The following SUGP2 variants were observed in gnomAD, a reference collection of about 807,000 sequenced individuals.
SUGP2 encodes the protein SURP and G-patch domain containing 2.
SUGP2 carries 24 observed loss-of-function variants against 90.5 expected under a neutral mutation model. The ratio of observed to expected loss-of-function variants is 0.27; its 90% CI spans 0.19 to 0.37. The LOEUF is 0.37. Among genes scored for constraint, SUGP2 ranks in the 10% least tolerant of loss-of-function variants. The pLI is 1.00. For missense variants in SUGP2, 1,233 were observed against 1,363.3 expected (o/e 0.90, Z 1.51); for synonymous variants, 473 against 513.4 (o/e 0.92, Z 1.06).
At chr19:19,032,058 G>T (rs1018729991) in intron 1 of SUGP2, among the ~76,000 whole-genome samples, 1 of 152,060 alleles carries the variant, frequency 6.6e-6, no homozygotes, top group Non-Finnish European at 1.5e-5. Context: ...CTATCTGCTG[G>T]AGGAAGGTGT....
intron 1 of SUGP2, 34 bp downstream of exon 1, chr19:19,033,403 C>T: frequency 1.6e-6 from 2 of 1,285,798 alleles, no homozygotes; most frequent in Non-Finnish European, 9.9e-7. Flanking sequence ...ACCCCGGGAG[C>T]CACCCACCGA....
intron 8 of SUGP2, among the ~76,000 whole-genome samples, chr19:18,997,782 C>CAAAAAAAA (rs35875282): frequency 1.8e-4 from 16 of 88,106 alleles, no homozygotes; most frequent in Non-Finnish European, 2.0e-4. Flanking sequence ...GACTCCGTCT[C>CAAAAAAAA]AAAAAAAAAA....
intron 1 of SUGP2, chr19:19,033,053 G>C (rs1424129049): frequency 6.5e-6 from 1 of 153,342 alleles, no homozygotes; most frequent in East Asian, 1.9e-4. Context: ...CCCACCTATG[G>C]AATGGGCAGC....
chr19:19,013,995 A>T (rs1014203751), intron 4 of SUGP2, among the ~76,000 whole-genome samples: 1 of 152,116 alleles, frequency 6.6e-6, no homozygotes, highest in Non-Finnish European at 1.5e-5. Context: ...CTTCTGATTG[A>T]TTCATTGATT....
Position 19,001,663 on chromosome 19 carries a change from C to T in SUGP2, c.2941G>A (p.Val981Ile). The change falls in exon 8 of 11, where the codon GTT becomes ATT. Residue 981 changes from valine to isoleucine, a missense_variant. Val to Ile is a conservative substitution (Grantham distance 29, BLOSUM62 3). Around this residue, in one of 8 missense-constraint regions of SUGP2, gnomAD observed 105 missense variants for 155.2 expected, o/e 0.68. Transcript: ENST00000452918. ...CGAGGCCTGTCATAGGCAATTCGAA[C>T]TGGTTCATGGACTAGAAGACAAAAG... Reference protein sequence around the residue: ...LIQEPKVHEPVRIAYDRPRGR... With the variant: ...LIQEPKVHEPIRIAYDRPRGR... 1 of 1,614,228 alleles carries T rather than the reference C, an allele frequency of 6.2e-7. No homozygotes were observed. The highest frequency in any genetic ancestry group is 8.5e-7 in the Non-Finnish European group (1 of 1,180,042).
intron 6 of SUGP2, among the ~76,000 whole-genome samples, chr19:19,006,521 T>C (rs1193849820): frequency 6.6e-6 from 1 of 151,878 alleles, no homozygotes; most frequent in Non-Finnish European, 1.5e-5. Flanking sequence ...ACCCAACAAG[T>C]ACTACAGCCC....
At chr19:19,019,343 C>G (rs566586030) in intron 3 of SUGP2, 114 bp from the exon 4 acceptor site, 2 of 1,188,524 alleles carry the variant, frequency 1.7e-6, no homozygotes, top group Non-Finnish European at 2.3e-6. Context: ...CATCAACAAC[C>G]GAAATCCTCA....
At chr19:18,994,585 T>C (rs1445733907) in intron 9 of SUGP2, 99 bp from the exon 10 acceptor site, 1 of 1,481,824 alleles carries the variant, frequency 6.7e-7, no homozygotes, top group Non-Finnish European at 9.2e-7. Context: ...ATGCAGGTGT[T>C]TGGGACACAC....
intron 4 of SUGP2, among the ~76,000 whole-genome samples, chr19:19,015,115 TGGTGTGAACCCG>T (rs2058449377): frequency 6.6e-6 from 1 of 151,806 alleles, no homozygotes; most frequent in African/African-American, 2.4e-5. Flanking sequence ...GGCAGGAGAA[TGGTGTGAACCCG>T]GGAGGCAGAG....
At chr19:19,005,159 C>T (rs2058014497) in intron 6 of SUGP2, among the ~76,000 whole-genome samples, 1 of 152,218 alleles carries the variant, frequency 6.6e-6, no homozygotes, top group South Asian at 2.1e-4. Flanking sequence ...TGCAGTCCAC[C>T]TACATGGGCG....
At chr19:19,031,879 G>T (rs1309694654) in intron 1 of SUGP2, among the ~76,000 whole-genome samples, 1 of 147,888 alleles carries the variant, frequency 6.8e-6, no homozygotes, top group Admixed American at 6.8e-5. Flanking sequence ...GGCCAGGCTG[G>T]TCTCGAACTC....
chr19:19,005,211 C>T (rs2058017766), intron 6 of SUGP2, among the ~76,000 whole-genome samples: 1 of 152,160 alleles, frequency 6.6e-6, no homozygotes, highest in African/African-American at 2.4e-5. Context: ...CTGGTGGCCA[C>T]CTCGACTTGT....
chr19:19,031,800 G>A (rs1268318659), intron 1 of SUGP2, among the ~76,000 whole-genome samples: 1 of 150,974 alleles, frequency 6.6e-6, no homozygotes, highest in Non-Finnish European at 1.5e-5. Flanking sequence ...TACTTCAGAG[G>A]CAAGCTGGAC....
chr19:19,020,653 G>T (rs1054639327), intron 3 of SUGP2, among the ~76,000 whole-genome samples: 1 of 151,500 alleles, frequency 6.6e-6, no homozygotes, highest in Non-Finnish European at 1.5e-5. Context: ...GCTCAGGCTG[G>T]TCTCCAATTC....
Position 19,008,439 on chromosome 19 carries a change from T to C in SUGP2, c.2339-11A>G, listed in dbSNP as rs1337748036. ...TTGTCTTCATGTCAACTACAAAACA[T>C]AAAGCACCTGTCAGGCATGACTCCT... On this transcript the variant is annotated splice_polypyrimidine_tract_variant and intron_variant, in intron 5 of 10. Transcript: ENST00000452918. The C allele has an allele frequency of 6.2e-7, 1 of 1,606,958 alleles. No individual in the cohort carries two copies. Among genetic ancestry groups the C allele is most frequent in the Admixed American group, 1.7e-5 (1 of 60,016 alleles).
In SUGP2 at chr19:19,004,548, A is replaced by G. The variant is rs1204760070; in HGVS notation, c.2549T>C (p.Leu850Pro). The G allele has an allele frequency of 6.2e-7, 1 of 1,614,252 alleles. No homozygotes were observed. Reference protein sequence around the residue: ...SICFTSSPHNLHTGGGDTTGS... With the variant: ...SICFTSSPHNPHTGGGDTTGS... ...CGTGGTGTCACCACCACCAGTGTGAAGGTTGTGCGGAGATGACGTGAAACA... is the reference window on the plus strand; with the variant it reads ...CGTGGTGTCACCACCACCAGTGTGAGGGTTGTGCGGAGATGACGTGAAACA... Residue 850 changes from leucine (L) to proline (P), a missense_variant, in exon 7 of 11, where the codon CTT becomes CCT. Leu to Pro is a moderately conservative substitution (Grantham distance 98). Coordinates refer to ENST00000452918, the MANE Select transcript of SUGP2 (RefSeq NM_001017392.5).
Position 19,025,466 on chromosome 19 carries a change from G to A in SUGP2, c.882C>T (p.Pro294=). 1.2e-6 allele frequency: 2 copies of A among 1,614,154 alleles called. No homozygotes were observed. Among genetic ancestry groups the A allele is most frequent in the Non-Finnish European group, 1.7e-6 (2 of 1,180,034 alleles). ...CCAGCCCCAGAGGGATCTTCTGAATGGGGAACTGGATATCTTCTGTCCCTG... is the reference window on the plus strand; with the variant it reads ...CCAGCCCCAGAGGGATCTTCTGAATAGGGAACTGGATATCTTCTGTCCCTG... ...TNPGTEDIQF[P]IQKIPLGLDL... is the part of the protein sequence containing the mutation. Residue 294 remains proline (P), a synonymous_variant, in exon 3 of 11, where the codon CCC becomes CCT. Coordinates refer to ENST00000452918, the MANE Select transcript of SUGP2 (RefSeq NM_001017392.5).
intron 1 of SUGP2, 86 bp downstream of exon 1, chr19:19,033,351 C>T (rs1177184175): frequency 1.7e-6 from 2 of 1,147,442 alleles, no homozygotes; most frequent in Non-Finnish European, 2.1e-6. Context: ...GACGCCATCA[C>T]GGAGCCCGGG....
chr19:19,027,181 G>A (rs1043982419), intron 2 of SUGP2, among the ~76,000 whole-genome samples: 13 of 152,190 alleles, frequency 8.5e-5, no homozygotes, highest in Non-Finnish European at 1.5e-4. Flanking sequence ...TGGAGAAACT[G>A]TAAGAAGCGA....
Sources: gnomAD v4.1 joint callset for allele counts (sites outside exome capture counted in the v4.1 genomes callset) on GRCh38, gnomAD v4.1.1 for gene constraint, gnomAD v4.1.1 regional missense constraint, MANE v1.5 for transcripts, NCBI Gene and HGNC (gene_info 2026-07-23, HGNC 2026-07-21) for gene names.